LGSN: variants seen among roughly 807,000 people sequenced by gnomAD.
LGSN encodes lengsin, lens protein with glutamine synthetase domain.
In LGSN, 21 loss-of-function variants were observed where a neutral mutation model predicts 19.5. The observed-to-expected ratio is 1.07, with a 90% CI of 0.76 to 1.55. The LOEUF is 1.55. Ranked by LOEUF, LGSN falls within the 40% of genes most tolerant of loss-of-function variation. The pLI is 0.00. For synonymous variants in LGSN, 257 were observed against 215.6 expected (o/e 1.19, Z -1.68); for missense variants, 673 against 608.5 (o/e 1.11, Z -1.12).
At chr6:63,423,415 T>C in the LGSN span, among the ~76,000 whole-genome samples, 53 of 151,604 alleles carry the variant, frequency 3.5e-4, no homozygotes, top group Non-Finnish European at 6.8e-4. Flanking sequence ...GGCAGGCAGA[T>C]TTCATGAGTC....
chr6:63,457,714 C>T, the LGSN span, among the ~76,000 whole-genome samples: 2 of 151,792 alleles, frequency 1.3e-5, no homozygotes, highest in Non-Finnish European at 2.9e-5. Flanking sequence ...CCCGTCTCTC[C>T]TAAAAATACA....
the LGSN span, among the ~76,000 whole-genome samples, chr6:63,331,307 T>A: frequency 6.6e-6 from 1 of 152,174 alleles, no homozygotes; most frequent in Non-Finnish European, 1.5e-5. Flanking sequence ...TTGCCTTCCC[T>A]CTTACAGAAA....
At chr6:63,420,046 C>CA in the LGSN span, among the ~76,000 whole-genome samples, 3 of 149,862 alleles carry the variant, frequency 2.0e-5, no homozygotes, top group South Asian at 2.1e-4. Flanking sequence ...ACTAAAAATA[C>CA]AAAAAAATTA....
the LGSN span, among the ~76,000 whole-genome samples, chr6:63,355,213 C>A: frequency 1.3e-5 from 2 of 152,044 alleles, no homozygotes; most frequent in Non-Finnish European, 2.9e-5. Flanking sequence ...AACAAAATAT[C>A]ACATGTACCC....
chr6:63,290,302 G>A (rs963796814), intron 2 of LGSN, among the ~76,000 whole-genome samples: 3 of 152,160 alleles, frequency 2.0e-5, no homozygotes, highest in Non-Finnish European at 4.4e-5. Flanking sequence ...AGTCACAATT[G>A]ACAGTGCAAA....
chr6:63,561,495 T>C, the LGSN span, among the ~76,000 whole-genome samples: 1 of 152,232 alleles, frequency 6.6e-6, no homozygotes, highest in South Asian at 2.1e-4. Context: ...TAGACCTTTC[T>C]ATTCTGTGTA....
the LGSN span, among the ~76,000 whole-genome samples, chr6:63,536,328 CT>C: frequency 1.3e-5 from 2 of 151,518 alleles, no homozygotes; most frequent in African/African-American, 4.8e-5. Context: ...TAGATTCTGT[CT>C]CAAAAAAAAA....
the LGSN span, among the ~76,000 whole-genome samples, chr6:63,387,909 A>C: frequency 1.1e-4 from 17 of 152,034 alleles, no homozygotes; most frequent in African/African-American, 4.1e-4. Context: ...TCTGTCACCC[A>C]GGCTGGAGTG....
the LGSN span, among the ~76,000 whole-genome samples, chr6:63,342,702 C>A: frequency 6.6e-6 from 1 of 152,168 alleles, no homozygotes; most frequent in Non-Finnish European, 1.5e-5. Context: ...GTTTGGTGAT[C>A]AGCTTTTTAA....
At chr6:63,476,066 GTTT>G in the LGSN span, among the ~76,000 whole-genome samples, 2 of 152,016 alleles carry the variant, frequency 1.3e-5, no homozygotes, top group African/African-American at 4.8e-5. Flanking sequence ...TTTTGGTTTG[GTTT>G]TTTTGTTTGT....
At chr6:63,290,147 G>T (rs140606682) in intron 2 of LGSN, among the ~76,000 whole-genome samples, 152 of 152,224 alleles carry the variant, frequency 1.0e-3, no homozygotes, top group African/African-American at 3.4e-3. Flanking sequence ...CTTATTTTGG[G>T]AGTTTATTTT....
chr6:63,351,373 CTGTG>C, the LGSN span, among the ~76,000 whole-genome samples: 3 of 150,940 alleles, frequency 2.0e-5, no homozygotes, highest in South Asian at 2.1e-4. Context: ...ATAAATATCT[CTGTG>C]TGTGTGTGTG....
At chr6:63,294,746 C>T (rs149931929) in intron 2 of LGSN, among the ~76,000 whole-genome samples, 167 bp downstream of exon 2, 88 of 151,552 alleles carry the variant, frequency 5.8e-4, no homozygotes, top group African/African-American at 2.0e-3. Flanking sequence ...TATATATTTA[C>T]GTTGTAAGCT....
chr6:63,287,289 G>T (rs1767577200), intron 2 of LGSN, among the ~76,000 whole-genome samples: 1 of 152,210 alleles, frequency 6.6e-6, no homozygotes, highest in African/African-American at 2.4e-5. Flanking sequence ...AGCAATTAAA[G>T]TATTTCATGC....
At chr6:63,393,403 T>G in the LGSN span, among the ~76,000 whole-genome samples, 1 of 151,488 alleles carries the variant, frequency 6.6e-6, no homozygotes, top group South Asian at 2.1e-4. Context: ...GGTCTCGAAC[T>G]CCTGACCTCA....
At chr6:63,455,713 C>A in the LGSN span, among the ~76,000 whole-genome samples, 1 of 151,904 alleles carries the variant, frequency 6.6e-6, no homozygotes, top group Non-Finnish European at 1.5e-5. Context: ...GAGATCGCAT[C>A]ATTGCACTCC....
the LGSN span, among the ~76,000 whole-genome samples, chr6:63,370,430 G>A: frequency 1.3e-5 from 2 of 152,196 alleles, no homozygotes; most frequent in African/African-American, 4.8e-5. Flanking sequence ...GCAGTTACAC[G>A]GTCATGCAGA....
At chr6:63,356,303 G>A in the LGSN span, among the ~76,000 whole-genome samples, 1 of 152,150 alleles carries the variant, frequency 6.6e-6, no homozygotes, top group Non-Finnish European at 1.5e-5. Context: ...ACTTTGGGAG[G>A]CTAAGGCAGG....
chr6:63,422,086 G>A, the LGSN span, among the ~76,000 whole-genome samples: 3 of 152,066 alleles, frequency 2.0e-5, no homozygotes, highest in Non-Finnish European at 2.9e-5. Flanking sequence ...TTGAGACAGG[G>A]TCTTGCTCTG....
Sources: allele counts gnomAD v4.1 joint callset (sites outside exome capture counted in the v4.1 genomes callset), GRCh38; gene constraint gnomAD v4.1.1; transcripts MANE v1.5; gene names NCBI Gene and HGNC (gene_info 2026-07-23, HGNC 2026-07-21).